DLEU7: variants seen among roughly 807,000 people sequenced by gnomAD.
DLEU7 encodes leukemia-associated protein 7.
DLEU7 carries 17 observed loss-of-function variants against 16.0 expected under a neutral mutation model. The observed-to-expected ratio is 1.06, with a 90% CI of 0.73 to 1.59. DLEU7 has a LOEUF of 1.59. Among genes scored for constraint, DLEU7 ranks in the 40% most tolerant of loss-of-function variants. The pLI is 0.00. For missense variants in DLEU7, 308 were observed against 314.9 expected, an observed-to-expected ratio of 0.98 and a Z score of 0.17; for synonymous variants, 113 against 139.8, an observed-to-expected ratio of 0.81 and a Z score of 1.35.
chr13:50,821,349 G>C (rs1488189561), downstream of DLEU7, among the ~76,000 whole-genome samples: 1 of 152,168 alleles, frequency 6.6e-6, no homozygotes, highest in South Asian at 2.1e-4. Flanking sequence ...GGTGTAAAAA[G>C]GTGGTAGGGG....
chr13:50,842,156 T>C (rs980536128), intron 1 of DLEU7, among the ~76,000 whole-genome samples: 1 of 152,144 alleles, frequency 6.6e-6, no homozygotes, highest in African/African-American at 2.4e-5. Flanking sequence ...ACAATACCTA[T>C]TTGGGTATAT....
chr13:50,814,756 A>ATGTGTGTGTGTGTGTG (rs1208320315), intron 1 of DLEU7, among the ~76,000 whole-genome samples: 1 of 69,122 alleles, frequency 1.4e-5, no homozygotes, highest in African/African-American at 5.2e-5. Context: ...ACATGTATTC[A>ATGTGTGTGTGTGTGTG]TGTGAGTGTG....
chr13:50,820,570 C>T (rs1289891046), downstream of DLEU7, among the ~76,000 whole-genome samples: 1 of 152,072 alleles, frequency 6.6e-6, no homozygotes, highest in Non-Finnish European at 1.5e-5. Flanking sequence ...GAGGAACATG[C>T]TCTTCTGATG....
intron 1 of DLEU7, among the ~76,000 whole-genome samples, chr13:50,748,893 G>T (rs1402532926): frequency 6.6e-6 from 1 of 152,096 alleles, no homozygotes; most frequent in African/African-American, 2.4e-5. Flanking sequence ...CAATCTACAT[G>T]CTTTTTTTTC....
chr13:50,757,610 T>A (rs914575635), intron 1 of DLEU7, among the ~76,000 whole-genome samples: 3 of 152,240 alleles, frequency 2.0e-5, no homozygotes, highest in African/African-American at 7.2e-5. Flanking sequence ...TTCGTCATGC[T>A]TGTTACTGCA....
chr13:50,729,514 G>T (rs955318773), intron 1 of DLEU7, among the ~76,000 whole-genome samples: 3 of 151,656 alleles, frequency 2.0e-5, no homozygotes, highest in African/African-American at 7.3e-5. Flanking sequence ...TGTCTTTATG[G>T]TAGAAATATT....
At chr13:50,738,171 G>C (rs1874138086) in intron 1 of DLEU7, among the ~76,000 whole-genome samples, 1 of 152,144 alleles carries the variant, frequency 6.6e-6, no homozygotes, top group South Asian at 2.1e-4. Flanking sequence ...GGAACTAGCA[G>C]AGGTTGGTTT....
rs987740817 is a variant in DLEU7, at chr13:50,835,913, G to A, written c.459+7275C>T. Among the ~76,000 whole-genome samples the A allele has an allele frequency of 2.0e-5, 3 of 152,202 alleles. No individual in the cohort carries two copies. In the East Asian group the frequency reaches 5.8e-4, roughly 29 times the overall value. ...ATAACTGGAGTCTTGAAGACAAGAA[G>A]AATCTAGCAGTGTGAGTCCATTTGA... On this transcript the variant is annotated intron_variant, in intron 1 of 1. Transcript: ENST00000504404.
At position 50,762,189 on chromosome 13, in the gene DLEU7, C is replaced by CAAAAAAA. The variant is rs71085045; in HGVS notation, c.460-48956_460-48950dup. Among the ~76,000 whole-genome samples, 36 of 84,260 alleles carry CAAAAAAA rather than the reference C, an allele frequency of 4.3e-4. 1 individual carries two copies. The highest frequency in any genetic ancestry group is 3.0e-3 in the East Asian group (8 of 2,686). The allele number at this position is 84,260 out of a possible 152,430, so 55.3% of individuals were successfully genotyped here. A position where few individuals can be genotyped will look rare whatever the true frequency, so the allele number is the denominator to read the frequency against. ...CTGGGTGACAGAGCGAGACTCGTCT[C>CAAAAAAA]AAAAAAAAAAAAAAAAAAAAAAGAA... On this transcript the variant is annotated intron_variant, in intron 1 of 1. Transcript: ENST00000400393.
intron 1 of DLEU7, among the ~76,000 whole-genome samples, chr13:50,719,184 G>A (rs1009307985): frequency 6.6e-6 from 1 of 152,156 alleles, no homozygotes; most frequent in African/African-American, 2.4e-5. Context: ...AATTGCAGGG[G>A]CTGGGTTATA....
intron 1 of DLEU7, among the ~76,000 whole-genome samples, chr13:50,796,623 C>T (rs1026234651): frequency 6.6e-6 from 1 of 152,092 alleles, no homozygotes; most frequent in Admixed American, 6.5e-5. Context: ...CTGCTATAGT[C>T]CAATTAGAAG....
chr13:50,729,340 T>C (rs567386396), intron 1 of DLEU7, among the ~76,000 whole-genome samples: 13 of 152,218 alleles, frequency 8.5e-5, no homozygotes, highest in Non-Finnish European at 1.5e-4. Context: ...GCTCCATGCA[T>C]GTTGCTGCAA....
At chr13:50,722,193 T>C (rs182079728) in intron 1 of DLEU7, among the ~76,000 whole-genome samples, 1 of 152,304 alleles carries the variant, frequency 6.6e-6, no homozygotes, top group Admixed American at 6.5e-5. Flanking sequence ...GCTTGCCATG[T>C]GACATGCTTT....
At chr13:50,788,927 G>C (rs1875868086) in intron 1 of DLEU7, among the ~76,000 whole-genome samples, 1 of 152,142 alleles carries the variant, frequency 6.6e-6, no homozygotes, top group African/African-American at 2.4e-5. Flanking sequence ...CAGAGCGGGA[G>C]CCTGGGTTAT....
chr13:50,724,497 A>G (rs1873711344), intron 1 of DLEU7, among the ~76,000 whole-genome samples: 3 of 151,982 alleles, frequency 2.0e-5, no homozygotes, highest in African/African-American at 4.8e-5. Flanking sequence ...CTCTTTTCCT[A>G]CGGATGAAAT....
intron 1 of DLEU7, among the ~76,000 whole-genome samples, chr13:50,751,924 G>A (rs2408158): frequency 0.47 from 70,888 of 150,808 alleles, 17,487 homozygotes; most frequent in African/African-American, 0.62. Flanking sequence ...TTTTGTTGTT[G>A]TTTCAATTTC....
intron 1 of DLEU7, among the ~76,000 whole-genome samples, chr13:50,824,355 T>C (rs989453998): frequency 5.3e-5 from 8 of 152,218 alleles, no homozygotes; most frequent in African/African-American, 1.7e-4. Context: ...CTTTTCAGTA[T>C]AGGGAAATGA....
At chr13:50,830,986 G>A (rs944189295) in intron 1 of DLEU7, among the ~76,000 whole-genome samples, 3 of 152,098 alleles carry the variant, frequency 2.0e-5, no homozygotes, top group Admixed American at 1.3e-4. Context: ...CTACCACATT[G>A]AGGGGTTTCA....
intron 1 of DLEU7, among the ~76,000 whole-genome samples, chr13:50,746,979 AGT>A (rs1364265261): frequency 3.3e-5 from 5 of 152,112 alleles, no homozygotes; most frequent in African/African-American, 1.2e-4. Flanking sequence ...ACATGTATAG[AGT>A]GAATATAAGC....
Sources: allele counts gnomAD v4.1 joint callset (sites outside exome capture counted in the v4.1 genomes callset), GRCh38; gene constraint gnomAD v4.1.1; transcripts MANE v1.5; gene names NCBI Gene and HGNC (gene_info 2026-07-23, HGNC 2026-07-21).